The following ADHFE1 variants were observed in gnomAD, a reference collection of about 807,000 sequenced individuals.
The protein encoded by ADHFE1 is hydroxyacid-oxoacid transhydrogenase, mitochondrial.
In ADHFE1, 37 loss-of-function variants were observed where a neutral mutation model predicts 54.8. That is an observed-to-expected ratio of 0.68 (90% CI 0.52 to 0.89). The LOEUF (loss-of-function observed/expected upper bound fraction) is 0.89, where lower values mean the gene tolerates loss of function less well. ADHFE1 is among the 40% of genes least tolerant of loss of function. The probability of loss-of-function intolerance (pLI) is 0.00; values close to 1 mark genes in which losing one functional copy is unlikely to be tolerated. For synonymous variants in ADHFE1, 203 were observed against 229.3 expected (o/e 0.89, Z 1.04); for missense variants, 601 against 591.2 (o/e 1.02, Z -0.17).
intron 1 of ADHFE1, 103 bp downstream of exon 1, chr8:66,432,678 A>G: frequency 8.1e-7 from 1 of 1,235,760 alleles, no homozygotes; most frequent in Non-Finnish European, 1.0e-6. Context: ...GCTTACTTTC[A>G]AGAATTCGGA....
intron 9 of ADHFE1, 44 bp downstream of exon 9, chr8:66,452,149 A>G (rs1806333616): frequency 6.2e-7 from 1 of 1,602,698 alleles, no homozygotes; most frequent in East Asian, 2.2e-5. Flanking sequence ...GGAGGCCCAC[A>G]TTCTGCCAGC....
intron 7 of ADHFE1, 78 bp downstream of exon 7, chr8:66,447,419 A>T: frequency 7.9e-7 from 1 of 1,263,316 alleles, no homozygotes; most frequent in Non-Finnish European, 1.1e-6. Flanking sequence ...TTTAAAAATC[A>T]AGCAGTTATG....
At chr8:66,437,451 C>T (rs1309319809) in intron 1 of ADHFE1, among the ~76,000 whole-genome samples, 1 of 151,970 alleles carries the variant, frequency 6.6e-6, no homozygotes, top group Non-Finnish European at 1.5e-5. Flanking sequence ...TCCTGCTCTC[C>T]CCAAGCCTCA....
intron 13 of ADHFE1, among the ~76,000 whole-genome samples, chr8:66,466,675 A>T (rs1807208929): frequency 6.6e-6 from 1 of 152,208 alleles, no homozygotes; most frequent in African/African-American, 2.4e-5. Context: ...TATAAATAAG[A>T]TGTAAATGAA....
intron 9 of ADHFE1, 85 bp downstream of exon 9, chr8:66,452,190 T>C (rs1202270222): frequency 4.6e-6 from 7 of 1,521,602 alleles, no homozygotes; most frequent in Non-Finnish European, 6.2e-6. Context: ...GAGCCTGAAA[T>C]ATCCTGAGCA....
At chr8:66,467,326 G>A (rs1807248224) in intron 13 of ADHFE1, among the ~76,000 whole-genome samples, 1 of 152,156 alleles carries the variant, frequency 6.6e-6, no homozygotes, top group African/African-American at 2.4e-5. Context: ...TGAGAAAATG[G>A]TAGGAGCGGT....
chr8:66,456,305 C>G (rs549093560), intron 10 of ADHFE1, among the ~76,000 whole-genome samples: 2 of 152,324 alleles, frequency 1.3e-5, no homozygotes, highest in South Asian at 2.1e-4. Flanking sequence ...TGACTGGACT[C>G]TGTGAGTATG....
chr8:66,468,358 A>G lies in ADHFE1; in HGVS notation c.*6A>G. ...CTTCAATGAAACTGTATTAATTGTCATTTTAACTGAAAGAATTACCGCTGG... is the reference window on the plus strand; with the variant it reads ...CTTCAATGAAACTGTATTAATTGTCGTTTTAACTGAAAGAATTACCGCTGG... On this transcript the variant is annotated 3_prime_UTR_variant, in exon 14 of 14. Coordinates refer to ENST00000396623, the MANE Select transcript of ADHFE1 (RefSeq NM_144650.3). 6.2e-7 allele frequency: 1 copy of G among 1,609,408 alleles called. No homozygotes were observed. Among genetic ancestry groups the G allele is most frequent in the Non-Finnish European group, 8.5e-7 (1 of 1,177,314 alleles).
rs1173487441 is a variant in ADHFE1, at chr8:66,446,458, A to G, written c.551-806A>G. Among the ~76,000 whole-genome samples, 5 of 152,218 alleles carry G rather than the reference A, an allele frequency of 3.3e-5. No homozygotes were observed. In the East Asian group the frequency reaches 9.6e-4, roughly 29 times the overall value. ...TGCAGCTGCTTAAGCTCTGGCCCCC[A>G]AGGAGCCTGAGGTTCCCAGAGCTCA... On this transcript the variant is annotated intron_variant, in intron 6 of 13. Transcript: ENST00000396623.
chr8:66,445,455 G>T (rs1025228), intron 6 of ADHFE1, 41 bp downstream of exon 6: 846,684 of 1,544,994 alleles, frequency 0.55, 236,180 homozygotes, highest in African/African-American at 0.74. Context: ...ATTTTGCAAT[G>T]AGCAATAGAT....
intron 13 of ADHFE1, among the ~76,000 whole-genome samples, chr8:66,462,549 G>C (rs528430648): frequency 3.9e-5 from 6 of 152,182 alleles, no homozygotes; most frequent in Non-Finnish European, 8.8e-5. Flanking sequence ...ACAGTGCCTG[G>C]CATTCACTGC....
intron 2 of ADHFE1, among the ~76,000 whole-genome samples, chr8:66,441,934 T>G (rs1420865136): frequency 2.6e-5 from 4 of 150,972 alleles, no homozygotes; most frequent in Admixed American, 2.6e-4. Flanking sequence ...ATCCCACCAC[T>G]GCACTCTAGC....
At chr8:66,467,518 C>T (rs1807260472) in intron 13 of ADHFE1, among the ~76,000 whole-genome samples, 1 of 152,122 alleles carries the variant, frequency 6.6e-6, no homozygotes, top group East Asian at 1.9e-4. Flanking sequence ...TCACAAGTTT[C>T]CCTTCCACTA....
At chr8:66,448,240 A>C (rs1486253024) in intron 7 of ADHFE1, among the ~76,000 whole-genome samples, 1 of 152,190 alleles carries the variant, frequency 6.6e-6, no homozygotes, top group Non-Finnish European at 1.5e-5. Context: ...TTAACTGCAC[A>C]CTTTTAGTAA....
intron 3 of ADHFE1, among the ~76,000 whole-genome samples, chr8:66,443,794 A>G (rs1005920684): frequency 2.0e-5 from 3 of 152,026 alleles, no homozygotes; most frequent in Non-Finnish European, 4.4e-5. Context: ...TAAATTTTTT[A>G]TCCTGATTTT....
At chr8:66,449,017 T>C in intron 8 of ADHFE1, 47 bp downstream of exon 8, 1 of 1,507,756 alleles carries the variant, frequency 6.6e-7, no homozygotes, top group Non-Finnish European at 9.2e-7. Context: ...ACTGGGTCTA[T>C]GGATAGTATT....
intron 13 of ADHFE1, 91 bp from the exon 14 acceptor site, chr8:66,468,178 T>C: frequency 1.1e-6 from 1 of 930,942 alleles, no homozygotes; most frequent in East Asian, 2.5e-5. Context: ...AAGTCATTGA[T>C]TCTTATGACC....
chr8:66,435,655 G>A (rs1031330147), intron 1 of ADHFE1, among the ~76,000 whole-genome samples: 1 of 134,628 alleles, frequency 7.4e-6, no homozygotes, highest in African/African-American at 2.8e-5. Context: ...CTGTCACTTA[G>A]GCTGGAGTGC....
intron 13 of ADHFE1, among the ~76,000 whole-genome samples, chr8:66,466,796 A>C (rs1229241932): frequency 2.0e-5 from 3 of 152,216 alleles, no homozygotes; most frequent in Admixed American, 6.5e-5. Context: ...GGGAAGGTGC[A>C]TGATGATAGG....
Sources: gnomAD v4.1 joint callset for allele counts (sites outside exome capture counted in the v4.1 genomes callset) on GRCh38, gnomAD v4.1.1 for gene constraint, MANE v1.5 for transcripts, NCBI Gene and HGNC (gene_info 2026-07-23, HGNC 2026-07-21) for gene names.